Variants in SCUBE1 observed in about 807,000 individuals in gnomAD.
SCUBE1 encodes the protein signal peptide, CUB and EGF-like domain-containing protein 1.
SCUBE1 carries 59 observed loss-of-function variants against 124.4 expected under a neutral mutation model. The ratio of observed to expected loss-of-function variants is 0.47; its 90% CI spans 0.38 to 0.59. The LOEUF (loss-of-function observed/expected upper bound fraction) is 0.59, where lower values mean the gene tolerates loss of function less well. SCUBE1 is among the 20% of genes least tolerant of loss of function. The pLI is 0.00. For synonymous variants in SCUBE1, 545 were observed against 550.9 expected, an observed-to-expected ratio of 0.99 and a Z score of 0.15; for missense variants, 1,150 against 1,371.2, an observed-to-expected ratio of 0.84 and a Z score of 2.55.
chr22:43,303,847 C>CTTT (rs1367492654), intron 3 of SCUBE1, among the ~76,000 whole-genome samples: 1 of 152,228 alleles, frequency 6.6e-6, no homozygotes, highest in African/African-American at 2.4e-5. Context: ...TTGTTTCCGT[C>CTTT]TTTTTGCATG....
chr22:43,218,244 C>G lies in SCUBE1; in HGVS notation c.1891+11G>C, dbSNP rs528749778. On this transcript the variant is annotated intron_variant, in intron 15 of 21. Coordinates refer to ENST00000360835, the MANE Select transcript of SCUBE1 (RefSeq NM_173050.5). ...GAGTCAGCATCTGAGTGGCCATGGG[C>G]AAGGACTCACCGCATTTGCTGTCCT... 6.2e-7 allele frequency: 1 copy of G among 1,612,398 alleles called. No homozygotes were observed. The highest frequency in any genetic ancestry group is 2.2e-5 in the East Asian group (1 of 44,882).
At chr22:43,218,180 C>T in intron 15 of SCUBE1, 75 bp downstream of exon 15, 1 of 1,454,968 alleles carries the variant, frequency 6.9e-7, no homozygotes. Flanking sequence ...ACCTGCGTGC[C>T]CACCACTGTT....
chr22:43,289,609 C>T (rs1020006462), intron 4 of SCUBE1, among the ~76,000 whole-genome samples: 1 of 152,242 alleles, frequency 6.6e-6, no homozygotes, highest in Non-Finnish European at 1.5e-5. Flanking sequence ...GAACTGTTTT[C>T]TAATGAAACT....
intron 4 of SCUBE1, among the ~76,000 whole-genome samples, chr22:43,274,721 C>A (rs1698711960): frequency 6.6e-6 from 1 of 152,208 alleles, no homozygotes; most frequent in South Asian, 2.1e-4. Flanking sequence ...CCCCGAGCCC[C>A]AGCCAGTGAC....
chr22:43,240,088 G>C (rs1052171522), intron 6 of SCUBE1, among the ~76,000 whole-genome samples: 2 of 152,080 alleles, frequency 1.3e-5, no homozygotes, highest in African/African-American at 2.4e-5. Flanking sequence ...GGGGGAGAGG[G>C]GAACCTCATG....
chr22:43,303,091 A>T (rs1380762766), intron 3 of SCUBE1, among the ~76,000 whole-genome samples: 2 of 152,212 alleles, frequency 1.3e-5, no homozygotes, highest in East Asian at 1.9e-4. Flanking sequence ...GATTCCCAGC[A>T]TCCATTTCCC....
At position 43,223,223 on chromosome 22, in the gene SCUBE1, A is replaced by G; in HGVS notation, c.1208-7T>C. On this transcript the variant is annotated splice_region_variant and splice_polypyrimidine_tract_variant and intron_variant, in intron 10 of 21. Transcript: ENST00000360835. ...GAAAGACACTTGCCTGTCTCTATGA[A>G]GGGAGATACGAGAGAGGGCTGAGAG... The G allele has an allele frequency of 6.4e-7, 1 of 1,569,140 alleles. No homozygotes were observed. Among genetic ancestry groups the G allele is most frequent in the Non-Finnish European group, 8.6e-7 (1 of 1,166,562 alleles).
At chr22:43,215,963 T>C (rs780657492) in intron 15 of SCUBE1, among the ~76,000 whole-genome samples, 2 of 152,074 alleles carry the variant, frequency 1.3e-5, no homozygotes, top group African/African-American at 4.8e-5. Flanking sequence ...ATGTGCACAA[T>C]TGGGGAATTT....
intron 3 of SCUBE1, among the ~76,000 whole-genome samples, chr22:43,291,887 G>A (rs1450723422): frequency 6.6e-6 from 1 of 152,106 alleles, no homozygotes; most frequent in African/African-American, 2.4e-5. Context: ...GGTGCGGAGG[G>A]GCAAAGTCAC....
chr22:43,283,665 C>T (rs1178305147), intron 4 of SCUBE1: 1 of 152,222 alleles, frequency 6.6e-6, no homozygotes, highest in Non-Finnish European at 1.5e-5. Flanking sequence ...GAGCCACACT[C>T]ACACACTGTA....
intron 21 of SCUBE1, among the ~76,000 whole-genome samples, chr22:43,205,294 A>G (rs938649890): frequency 6.6e-6 from 1 of 152,042 alleles, no homozygotes; most frequent in African/African-American, 2.4e-5. Context: ...CAGTCTCTGG[A>G]GGGCAGATGC....
intron 4 of SCUBE1, among the ~76,000 whole-genome samples, chr22:43,289,940 G>T (rs1925293516): frequency 2.6e-5 from 4 of 152,180 alleles, no homozygotes; most frequent in Non-Finnish European, 5.9e-5. Context: ...GACCTTCCCA[G>T]GAACGCCCTC....
At chr22:43,253,715 TC>T (rs1355719709) in intron 6 of SCUBE1, among the ~76,000 whole-genome samples, 50 of 125,460 alleles carry the variant, frequency 4.0e-4, no homozygotes, top group Admixed American at 3.6e-3. Context: ...GAGGCCCTCC[TC>T]CCCCCGCCTG....
chr22:43,209,246 T>C (rs1184099781), intron 19 of SCUBE1, among the ~76,000 whole-genome samples: 2 of 152,152 alleles, frequency 1.3e-5, no homozygotes, highest in African/African-American at 4.8e-5. Flanking sequence ...GGTCACTGGG[T>C]ACCCAGAGAT....
intron 1 of SCUBE1, among the ~76,000 whole-genome samples, chr22:43,340,690 C>T (rs1927285264): frequency 1.3e-5 from 2 of 152,264 alleles, no homozygotes; most frequent in East Asian, 1.9e-4. Context: ...GGGGCTGAGA[C>T]TGGACTCTGA....
At chr22:43,227,299 C>G in intron 10 of SCUBE1, 75 bp downstream of exon 10, 1 of 1,520,414 alleles carries the variant, frequency 6.6e-7, no homozygotes, top group Non-Finnish European at 8.9e-7. Flanking sequence ...TCACCCCCAC[C>G]TCAGAAAAGC....
At chr22:43,294,910 A>G (rs1340514734) in intron 3 of SCUBE1, among the ~76,000 whole-genome samples, 1 of 152,110 alleles carries the variant, frequency 6.6e-6, no homozygotes, top group South Asian at 2.1e-4. Context: ...GCTGCCAGCG[A>G]GGCCCCAGCT....
In SCUBE1 at chr22:43,231,812, C is replaced by G; in HGVS notation, c.908G>C (p.Ser303Thr). 1 of 1,613,248 alleles carries G rather than the reference C, an allele frequency of 6.2e-7. No individual in the cohort carries two copies. The highest frequency in any genetic ancestry group is 8.5e-7 in the Non-Finnish European group (1 of 1,179,810). The change falls in exon 8 of 22, where the codon AGC (serine) becomes ACC (threonine). Residue 303 changes from serine (S) to threonine (T), a missense_variant. Ser to Thr is a moderately conservative substitution (Grantham distance 58). This residue lies in a region of SCUBE1 where 337 missense variants were observed against 482.1 expected (regional missense o/e 0.70). Coordinates refer to ENST00000360835, the MANE Select transcript of SCUBE1 (RefSeq NM_173050.5). ...GCCCTTCCGGCAGCCGCACTCGAAGCTGCCCACGGTGTTGCGGCAGAAGTG... is the reference window on the plus strand; with the variant it reads ...GCCCTTCCGGCAGCCGCACTCGAAGGTGCCCACGGTGTTGCGGCAGAAGTG... The part of the protein sequence containing the change: ...CDHFCRNTVG[S>T]FECGCRKGYK...
rs118149272 is a variant in SCUBE1, at chr22:43,297,756, C to T, written c.350-6576G>A. ...CTACTTTGGACCAAGAGTCCAGGTT[C>T]ACAGTTATTTATAACAACTAAAAAT... On this transcript the variant is annotated intron_variant, in intron 3 of 21. Transcript: ENST00000360835. 1.7e-3 allele frequency among the ~76,000 whole-genome samples: 261 copies of T among 152,356 alleles called. 4 individuals are homozygous for T. The East Asian group carries it at 0.046, about 27-fold the overall frequency.
Sources: allele counts gnomAD v4.1 joint callset (sites outside exome capture counted in the v4.1 genomes callset), GRCh38; gene constraint gnomAD v4.1.1; regional missense constraint gnomAD v4.1.1; transcripts MANE v1.5; gene names NCBI Gene and HGNC (gene_info 2026-07-23, HGNC 2026-07-21).